The following MAPKAPK5 variants were observed in gnomAD, a reference collection of about 807,000 sequenced individuals.
MAPKAPK5 encodes the protein MAP kinase-activated protein kinase 5.
In MAPKAPK5, 30 loss-of-function variants were observed where a neutral mutation model predicts 65.1. The ratio of observed to expected loss-of-function variants is 0.46; its 90% CI spans 0.34 to 0.63. The LOEUF is 0.63. MAPKAPK5 is among the 20% of genes least tolerant of loss of function. The pLI is 0.01. For missense variants in MAPKAPK5, 433 were observed against 581.4 expected, an observed-to-expected ratio of 0.74 and a Z score of 2.63; for synonymous variants, 179 against 204.6, an observed-to-expected ratio of 0.87 and a Z score of 1.07.
intron 1 of MAPKAPK5, among the ~76,000 whole-genome samples, chr12:111,850,328 A>G (rs1812405537): frequency 6.6e-6 from 1 of 152,192 alleles, no homozygotes; most frequent in African/African-American, 2.4e-5. Flanking sequence ...TGCCTGGCCA[A>G]AATACCTTTT....
rs947671505 is a variant in MAPKAPK5, at chr12:111,901,184, T to G, written c.*8123T>G. On this transcript the variant is annotated 3_prime_UTR_variant, in exon 14 of 14. Transcript: ENST00000550735. The stretch of plus-strand genomic sequence containing the variant: ...ATGAAGGAGATGTGCACAATGGCAC[T>G]TACTGTGCACCAAACAAAGTCTGCC... 2 of 455,924 alleles carry G rather than the reference T, an allele frequency of 4.4e-6. No homozygotes were observed. Among genetic ancestry groups the G allele is most frequent in the African/African-American group, 4.0e-5 (2 of 50,052 alleles). The allele number at this position is 455,924 out of a possible 1,614,324, so 28.2% of individuals were successfully genotyped here.
chr12:111,890,662 G>A (rs563762430), intron 13 of MAPKAPK5, among the ~76,000 whole-genome samples: 14 of 152,104 alleles, frequency 9.2e-5, no homozygotes, highest in Non-Finnish European at 1.9e-4. Flanking sequence ...TTCTTGAACT[G>A]CCTTGTTTTT....
At chr12:111,851,471 A>G (rs1182411695) in intron 1 of MAPKAPK5, among the ~76,000 whole-genome samples, 3 of 152,080 alleles carry the variant, frequency 2.0e-5, no homozygotes, top group Non-Finnish European at 4.4e-5. Context: ...AATTACAGGC[A>G]TGCTCCACAA....
At chr12:111,861,370 A>AC (rs2069430545) in intron 1 of MAPKAPK5, among the ~76,000 whole-genome samples, 1 of 150,194 alleles carries the variant, frequency 6.7e-6, no homozygotes, top group African/African-American at 2.5e-5. Context: ...TCACTCTGTC[A>AC]CAGGCTGGAG....
intron 12 of MAPKAPK5, 61 bp from the exon 13 acceptor site, chr12:111,889,979 C>T: frequency 9.5e-7 from 1 of 1,053,912 alleles, no homozygotes; most frequent in Non-Finnish European, 1.4e-6. Flanking sequence ...CTCCATCTCT[C>T]ACACTAAAAC....
intron 1 of MAPKAPK5, among the ~76,000 whole-genome samples, chr12:111,859,824 A>G (rs911530372): frequency 3.3e-5 from 5 of 151,508 alleles, no homozygotes; most frequent in Admixed American, 1.3e-4. Context: ...TAATTTTGTA[A>G]TTTTAGTAGA....
chr12:111,890,081 G>A lies in MAPKAPK5; in HGVS notation c.1258G>A (p.Ala420Thr). 6.3e-7 allele frequency: 1 copy of A among 1,599,834 alleles called. No individual in the cohort carries two copies. Among genetic ancestry groups the A allele is most frequent in the Non-Finnish European group, 8.5e-7 (1 of 1,173,504 alleles). The change falls in exon 13 of 14, where the codon GCT (alanine) becomes ACT (threonine). Residue 420 changes from alanine to threonine, a missense_variant. Physicochemically the swap from Ala to Thr is moderately conservative, Grantham distance 58. Coordinates refer to ENST00000550735, the MANE Select transcript of MAPKAPK5 (RefSeq NM_003668.4). ...DEKLNEVMQE[A>T]WKYNRECKLL... Reference sequence around the variant, plus strand: ...GAAACTGAATGAAGTAATGCAGGAGGCTTGGAAGTATAACCGGGAATGCAA... The same window carrying A: ...GAAACTGAATGAAGTAATGCAGGAGACTTGGAAGTATAACCGGGAATGCAA...
chr12:111,862,077 C>CAT (rs1486544234), intron 1 of MAPKAPK5, among the ~76,000 whole-genome samples: 2,710 of 152,192 alleles, frequency 0.018, 89 homozygotes, highest in African/African-American at 0.06. Flanking sequence ...TTGACCATGC[C>CAT]TTCCTACCTT....
At position 111,900,785 on chromosome 12, in the gene MAPKAPK5, T is replaced by C. The variant is rs1301932679; in HGVS notation, c.*7724T>C. On this transcript the variant is annotated 3_prime_UTR_variant, in exon 14 of 14. Coordinates refer to ENST00000550735, the MANE Select transcript of MAPKAPK5 (RefSeq NM_003668.4). ...TCCCAGAATTTTGCAATGGTACATC[T>C]GCATTATGCCCCAACAACAGGCATA... 2.2e-6 allele frequency: 1 copy of C among 456,138 alleles called. No individual in the cohort carries two copies. The highest frequency in any genetic ancestry group is 4.4e-6 in the Non-Finnish European group (1 of 226,810). 28.3% of individuals were successfully genotyped at this position (456,138 alleles called of 1,614,324 possible).
rs1360098704 is a variant in MAPKAPK5 at position 111,883,763 on chromosome 12, G to C, written c.843G>C (p.Val281=). The C allele has an allele frequency of 6.2e-7, 1 of 1,613,390 alleles. No individual in the cohort carries two copies. Among genetic ancestry groups the C allele is most frequent in the African/African-American group, 1.3e-5 (1 of 75,068 alleles). ...SQISEMAKDV[V]RKLLKVKPEE... is the part of the protein sequence containing the mutation. ...TCTCAGAGATGGCCAAAGATGTTGT[G>C]AGGAAGTGAGTTCACGGGCTGCTGG... is the stretch of plus-strand genomic sequence containing the variant. The change falls in exon 9 of 14, where the codon GTG becomes GTC. Residue 281 remains valine (V), a synonymous_variant. Coordinates refer to ENST00000550735, the MANE Select transcript of MAPKAPK5 (RefSeq NM_003668.4). The surrounding 1 kb of genome is among the most constrained non-coding windows in gnomAD (Gnocchi z 4.8).
rs1236077043 is a variant in MAPKAPK5 at position 111,895,527 on chromosome 12, C to CA, written c.*2467dup. ...CTGTAAGGAGAATATGTCTCCCCCC[C>CA]ACCCCCCACCCTGCTGCCACCAAGA... On this transcript the variant is annotated 3_prime_UTR_variant, in exon 14 of 14. Transcript: ENST00000550735. The CA allele has an allele frequency of 1.1e-5, 1 of 88,624 alleles. No individual in the cohort carries two copies. The highest frequency in any genetic ancestry group is 4.5e-5 in the African/African-American group (1 of 22,120). 5.5% of individuals were successfully genotyped at this position (88,624 alleles called of 1,614,324 possible). A position where few individuals can be genotyped will look rare whatever the true frequency, so the allele number is the denominator to read the frequency against.
At chr12:111,879,022 C>G (rs143482420) in intron 7 of MAPKAPK5, among the ~76,000 whole-genome samples, 1 of 152,110 alleles carries the variant, frequency 6.6e-6, no homozygotes, top group Non-Finnish European at 1.5e-5. Flanking sequence ...TCCATGTGAA[C>G]TTTACAGTCA....
chr12:111,862,713 A>G (rs1353736273), intron 1 of MAPKAPK5, among the ~76,000 whole-genome samples: 2 of 152,050 alleles, frequency 1.3e-5, no homozygotes, highest in African/African-American at 4.8e-5. Context: ...AAATAAGTAC[A>G]ATGGAGAATT....
At chr12:111,881,112 C>T (rs915274965) in intron 8 of MAPKAPK5, among the ~76,000 whole-genome samples, 16 of 152,154 alleles carry the variant, frequency 1.1e-4, no homozygotes, top group East Asian at 5.8e-4. Context: ...CTCGCTCTGT[C>T]GCCCAGGCTG....
chr12:111,870,493 A>C, intron 6 of MAPKAPK5, 133 bp downstream of exon 6: 1 of 571,192 alleles, frequency 1.8e-6, no homozygotes, highest in South Asian at 2.7e-5. Context: ...TATTTCTTCA[A>C]CTCGTTCCCT....
At chr12:111,876,013 C>G (rs574041681) in intron 7 of MAPKAPK5, among the ~76,000 whole-genome samples, 1 of 151,878 alleles carries the variant, frequency 6.6e-6, no homozygotes, top group South Asian at 2.1e-4. Context: ...CAAGACTAGC[C>G]TGGTGAACAT....
intron 4 of MAPKAPK5, 74 bp downstream of exon 4, chr12:111,867,743 G>A (rs1362071181): frequency 2.7e-6 from 3 of 1,121,722 alleles, no homozygotes; most frequent in South Asian, 2.6e-5. Flanking sequence ...TCTCTTTTAT[G>A]TGCTCCCTCC....
intron 1 of MAPKAPK5, among the ~76,000 whole-genome samples, chr12:111,847,433 C>T (rs1418557579): frequency 6.6e-6 from 1 of 151,992 alleles, no homozygotes; most frequent in East Asian, 1.9e-4. Context: ...TTACCTGTAT[C>T]TCTAGTCCCA....
chr12:111,847,034 G>A (rs950152219), intron 1 of MAPKAPK5, among the ~76,000 whole-genome samples: 3 of 151,984 alleles, frequency 2.0e-5, no homozygotes, highest in Non-Finnish European at 1.5e-5. Context: ...GGGGACTACT[G>A]TACTCTTAAA....
Sources: allele counts gnomAD v4.1 joint callset (sites outside exome capture counted in the v4.1 genomes callset), GRCh38; gene constraint gnomAD v4.1.1; non-coding constraint Gnocchi (gnomAD v3.1); transcripts MANE v1.5; gene names NCBI Gene and HGNC (gene_info 2026-07-23, HGNC 2026-07-21).